The following ARHGAP12 variants were observed in gnomAD, a reference collection of about 807,000 sequenced individuals.
ARHGAP12 encodes Rho GTPase activating protein 12.
Under a neutral mutation model 108.6 loss-of-function variants are expected in ARHGAP12, and 64 were observed. The observed-to-expected ratio is 0.59, with a 90% CI of 0.48 to 0.73. The LOEUF is 0.73. Among genes scored for constraint, ARHGAP12 ranks in the 30% least tolerant of loss-of-function variants. The pLI is 0.00. For synonymous variants in ARHGAP12, 312 were observed against 337.2 expected, an observed-to-expected ratio of 0.93 and a Z score of 0.82; for missense variants, 940 against 1,005.9, an observed-to-expected ratio of 0.93 and a Z score of 0.89.
At position 31,908,494 on chromosome 10, in the gene ARHGAP12, G is replaced by A. The variant is rs761960205; in HGVS notation, c.362C>T (p.Ser121Leu). ...AATAAGACCTGTTCCTTGAACAGAT[G>A]ACGATGGCTTTCCGAAACTTGAAAG... ...PELSSFGKPS[S>L]SVQGTGLIRD... is the part of the protein sequence containing the mutation. The change falls in exon 3 of 20, where the codon TCA (serine) becomes TTA (leucine). Residue 121 changes from serine (S) to leucine (L), a missense_variant. By Grantham distance (145) the Ser-to-Leu change is moderately radical (BLOSUM62 -2). Coordinates refer to ENST00000344936, the MANE Select transcript of ARHGAP12 (RefSeq NM_018287.7). 9.3e-6 allele frequency: 15 copies of A among 1,614,218 alleles called. No individual in the cohort carries two copies. Among genetic ancestry groups the A allele is most frequent in the African/African-American group, 5.3e-5 (4 of 75,070 alleles).
intron 13 of ARHGAP12, among the ~76,000 whole-genome samples, chr10:31,814,881 G>A (rs1592244463): frequency 6.6e-6 from 1 of 152,006 alleles, no homozygotes; most frequent in East Asian, 1.9e-4. Context: ...ACTTTGGGAG[G>A]CCAAGGCAGG....
At chr10:31,892,941 G>C (rs1039292589) in intron 3 of ARHGAP12, among the ~76,000 whole-genome samples, 6 of 152,166 alleles carry the variant, frequency 3.9e-5, no homozygotes, top group Non-Finnish European at 5.9e-5. Context: ...TCAGGATTAA[G>C]AAACTCACTG....
At chr10:31,820,052 CCA>C (rs1356555654) in intron 12 of ARHGAP12, among the ~76,000 whole-genome samples, 1 of 151,974 alleles carries the variant, frequency 6.6e-6, no homozygotes, top group Non-Finnish European at 1.5e-5. Context: ...CTGCCCACCC[CCA>C]CACACAGCCT....
In ARHGAP12 at chr10:31,891,880, T is replaced by C. The variant is rs371179658; in HGVS notation, c.684+16292A>G. Reference sequence around the variant, plus strand: ...TCTTCCAGCTGATCGAATTGGATACTAAAGCTTGTGCATTCGTCACATAGT... The same window carrying C: ...TCTTCCAGCTGATCGAATTGGATACCAAAGCTTGTGCATTCGTCACATAGT... On this transcript the variant is annotated intron_variant, in intron 3 of 19. Transcript: ENST00000344936. Among the ~76,000 whole-genome samples, 12 of 152,352 alleles carry C rather than the reference T, an allele frequency of 7.9e-5. No homozygotes were observed. The East Asian group carries it at 1.9e-3, about 24-fold the overall frequency.
chr10:31,894,293 A>T (rs1564417744), intron 3 of ARHGAP12, among the ~76,000 whole-genome samples: 1 of 152,188 alleles, frequency 6.6e-6, no homozygotes, highest in African/African-American at 2.4e-5. Context: ...AATTAGGAAA[A>T]GAGGAAGTCA....
In ARHGAP12 at chr10:31,820,371, G is replaced by GA. The variant is rs781517914; in HGVS notation, c.1632+15dup. The GA allele has an allele frequency of 7.6e-6, 12 of 1,576,040 alleles. No homozygotes were observed. Among genetic ancestry groups the GA allele is most frequent in the East Asian group, 2.3e-5 (1 of 43,926 alleles). ...TACAGTTTAGAATGTGTTATACTTA[G>GA]AAAAAAATGTATTACCTCAAATACA... On this transcript the variant is annotated intron_variant, in intron 12 of 19. Transcript: ENST00000344936.
At chr10:31,830,394 GGCTACTATCATA>G (rs1386784883) in intron 10 of ARHGAP12, among the ~76,000 whole-genome samples, 2 of 151,870 alleles carry the variant, frequency 1.3e-5, no homozygotes, top group East Asian at 3.9e-4. Context: ...AAATCTAAAA[GGCTACTATCATA>G]GGAAAAAAAA....
At position 31,908,476 on chromosome 10, in the gene ARHGAP12, C is replaced by T. The variant is rs775234209; in HGVS notation, c.380G>A (p.Gly127Asp). Residue 127 changes from glycine to aspartate, a missense_variant, in exon 3 of 20, where the codon GGT becomes GAT. Physicochemically the swap from Gly to Asp is moderately conservative, Grantham distance 94 (BLOSUM62 -1). Transcript: ENST00000344936. ...ATTCTGATTGGCATCACGAATAAGA[C>T]CTGTTCCTTGAACAGATGACGATGG... Reference protein sequence around the residue: ...GKPSSSVQGTGLIRDANQNFG... With the variant: ...GKPSSSVQGTDLIRDANQNFG... The T allele has an allele frequency of 5.6e-6, 9 of 1,614,224 alleles. No homozygotes were observed. The South Asian group carries it at 9.9e-5, about 18-fold the overall frequency.
chr10:31,860,987 T>C (rs1837091840), intron 4 of ARHGAP12, among the ~76,000 whole-genome samples: 1 of 152,198 alleles, frequency 6.6e-6, no homozygotes. Context: ...CCCAAGAGTT[T>C]GAGGCTACAG....
Position 31,893,606 on chromosome 10 carries a change from A to G in ARHGAP12, c.684+14566T>C, listed in dbSNP as rs182122235. ...CTCTGAAATAGAGGCAATAATTAAC[A>G]GCTTACAAACCAAAAAAAGTCCAGG... On this transcript the variant is annotated intron_variant, in intron 3 of 19. Transcript: ENST00000344936. Among the ~76,000 whole-genome samples the G allele has an allele frequency of 1.1e-3, 160 of 152,340 alleles. 2 individuals are homozygous for G. The Middle Eastern group carries it at 0.014, about 13-fold the overall frequency.
At position 31,928,679 on chromosome 10, in the gene ARHGAP12, TCACCGGGAGCCCGGCGGCC is replaced by T. The variant is rs1840178597; in HGVS notation, c.-126_-111+3del. 2 of 152,318 alleles carry T rather than the reference TCACCGGGAGCCCGGCGGCC, an allele frequency of 1.3e-5. No homozygotes were observed. Among genetic ancestry groups the T allele is most frequent in the Non-Finnish European group, 2.9e-5 (2 of 68,112 alleles). The allele number at this position is 152,318 out of a possible 1,614,324, so 9.4% of individuals were successfully genotyped here. On this transcript the variant is annotated splice_donor_variant and splice_donor_region_variant and 5_prime_UTR_variant and intron_variant, in exon 1 of 20. Transcript: ENST00000344936. LOFTEE classifies it low-confidence loss of function (5UTR_SPLICE). Reference sequence around the variant, plus strand: ...TCCGCCAGGACCCGCGCCCTGCACCTCACCGGGAGCCCGGCGGCCTCGCAGCAGGCGGCTCCCTTCTTAG... The same window carrying T: ...TCCGCCAGGACCCGCGCCCTGCACCTTCGCAGCAGGCGGCTCCCTTCTTAG...
chr10:31,817,887 C>G lies in ARHGAP12; in HGVS notation c.1633-1G>C. ...GTTCTGTTCCTTGACGAGTTTTCAG[C>G]TTTAGAGAAAAGCAGGGAGAAAAAA... On this transcript the variant is annotated splice_acceptor_variant, in intron 12 of 19. Transcript: ENST00000344936. LOFTEE classifies it high-confidence loss of function. 1 of 1,607,796 alleles carries G rather than the reference C, an allele frequency of 6.2e-7. No individual in the cohort carries two copies. Among genetic ancestry groups the G allele is most frequent in the Non-Finnish European group, 8.5e-7 (1 of 1,177,048 alleles).
At chr10:31,824,109 T>C (rs1835512103) in intron 11 of ARHGAP12, among the ~76,000 whole-genome samples, 1 of 152,150 alleles carries the variant, frequency 6.6e-6, no homozygotes, top group Non-Finnish European at 1.5e-5. Context: ...TTACTTCCTT[T>C]TACTTAGGCC....
At chr10:31,877,834 A>G (rs967267817) in intron 3 of ARHGAP12, among the ~76,000 whole-genome samples, 2 of 152,240 alleles carry the variant, frequency 1.3e-5, no homozygotes, top group Non-Finnish European at 2.9e-5. Context: ...GCGCCTGCCT[A>G]TAATTCCAGT....
chr10:31,914,629 A>G (rs912657509), intron 1 of ARHGAP12, among the ~76,000 whole-genome samples: 1 of 152,232 alleles, frequency 6.6e-6, no homozygotes, highest in Non-Finnish European at 1.5e-5. Flanking sequence ...GCTATTATCA[A>G]AAAGGCAAAA....
intron 4 of ARHGAP12, among the ~76,000 whole-genome samples, chr10:31,860,814 C>T (rs1837084616): frequency 6.6e-6 from 1 of 152,172 alleles, no homozygotes; most frequent in Non-Finnish European, 1.5e-5. Flanking sequence ...GGTGCAGTAG[C>T]TCACGCCTGT....
At position 31,874,973 on chromosome 10, in the gene ARHGAP12, C is replaced by CAAAAAAAAAA. The variant is rs59050160; in HGVS notation, c.685-13325_685-13316dup. Reference sequence around the variant, plus strand: ...TGGGTGACAACGCAAGACTCTGTCTCAAAAAAAAAAAAAAAAAAAAAAAAA... The same window carrying CAAAAAAAAAA: ...TGGGTGACAACGCAAGACTCTGTCTCAAAAAAAAAAAAAAAAAAAAAAAAAAAAAAAAAAA... On this transcript the variant is annotated intron_variant, in intron 3 of 19. Transcript: ENST00000344936. Among the ~76,000 whole-genome samples the CAAAAAAAAAA allele has an allele frequency of 1.2e-4, 7 of 58,326 alleles. 1 individual carries two copies. The highest frequency in any genetic ancestry group is 1.4e-3 in the East Asian group (2 of 1,404). The allele number at this position is 58,326 out of a possible 152,430, so 38.3% of individuals were successfully genotyped here. A position where few individuals can be genotyped will look rare whatever the true frequency, so the allele number is the denominator to read the frequency against.
At chr10:31,809,724 T>A (rs1192622058) in intron 16 of ARHGAP12, 3 of 157,590 alleles carry the variant, frequency 1.9e-5, no homozygotes, top group African/African-American at 7.2e-5. Context: ...ATTGAAGGCA[T>A]CTGTCATATT....
rs1235441125 is a variant in ARHGAP12, at chr10:31,807,796, A to C, written c.2403T>G (p.Tyr801Ter). Residue 801 changes from tyrosine (Y) to a stop codon, truncating the protein, a stop_gained, in exon 20 of 20, where the codon TAT (tyrosine) becomes TAG (stop). Transcript: ENST00000344936. LOFTEE classifies it high-confidence loss of function. ...IENGEKNRMT[Y>*]QSIAIVFGPT... ...GACCAAAAACAATTGCTATACTCTG[A>C]TAGGTCATTCGATTTTTCTCTCCAT... The C allele has an allele frequency of 6.4e-7, 1 of 1,555,750 alleles. No homozygotes were observed. Among genetic ancestry groups the C allele is most frequent in the Non-Finnish European group, 8.7e-7 (1 of 1,154,442 alleles).
Sources: gnomAD v4.1 joint callset for allele counts (sites outside exome capture counted in the v4.1 genomes callset) on GRCh38, gnomAD v4.1.1 for gene constraint, MANE v1.5 for transcripts, NCBI Gene and HGNC (gene_info 2026-07-23, HGNC 2026-07-21) for gene names.